RARB: variants seen among roughly 807,000 people sequenced by gnomAD.
RARB encodes HBV-activated protein.
RARB carries 17 observed loss-of-function variants against 51.9 expected under a neutral mutation model. That is an observed-to-expected ratio of 0.33 (90% CI 0.22 to 0.49). The LOEUF is 0.49. Among genes scored for constraint, RARB ranks in the 20% least tolerant of loss-of-function variants. The pLI is 0.99. For missense variants in RARB, 369 were observed against 550.8 expected (o/e 0.67, Z 3.30); for synonymous variants, 215 against 195.4 (o/e 1.10, Z -0.84).
intron 5 of RARB, among the ~76,000 whole-genome samples, chr3:25,209,434 A>G (rs1701639476): frequency 6.6e-6 from 1 of 152,226 alleles, no homozygotes; most frequent in Non-Finnish European, 1.5e-5. Flanking sequence ...GTAGTCATGT[A>G]GGCTAGGATG....
At chr3:25,248,873 G>C (rs1051343401) in intron 5 of RARB, among the ~76,000 whole-genome samples, 10 of 152,006 alleles carry the variant, frequency 6.6e-5, no homozygotes, top group African/African-American at 2.2e-4. Flanking sequence ...AATTCTCTTT[G>C]TCTTTCACTT....
intron 2 of RARB, among the ~76,000 whole-genome samples, chr3:24,972,475 T>C (rs182702682): frequency 4.6e-5 from 7 of 152,138 alleles, no homozygotes; most frequent in Admixed American, 3.3e-4. Flanking sequence ...TTCTTTGCTA[T>C]ATTGATTTTT....
In RARB at chr3:25,569,929, C is replaced by G; in HGVS notation, c.609+11C>G. The G allele has an allele frequency of 6.2e-7, 1 of 1,611,946 alleles. No homozygotes were observed. The highest frequency in any genetic ancestry group is 8.5e-7 in the Non-Finnish European group (1 of 1,178,896). On this transcript the variant is annotated intron_variant, in intron 4 of 7. Transcript: ENST00000330688. The stretch of plus-strand genomic sequence containing the variant: ...GGTAAATACACCACGGTAAGAGATA[C>G]TCCTGCCCCAGGCTGCTGGGAGTGT...
At chr3:25,481,715 C>G (rs1275125051) in intron 2 of RARB, among the ~76,000 whole-genome samples, 1 of 152,192 alleles carries the variant, frequency 6.6e-6, no homozygotes, top group Non-Finnish European at 1.5e-5. Flanking sequence ...ATCCAACTTA[C>G]CTTCTTTCCT....
chr3:25,345,130 A>G (rs1416656507), intron 5 of RARB, among the ~76,000 whole-genome samples: 1 of 152,192 alleles, frequency 6.6e-6, no homozygotes, highest in African/African-American at 2.4e-5. Flanking sequence ...GGTCAAGCCC[A>G]GACTCAGGGT....
intron 2 of RARB, among the ~76,000 whole-genome samples, chr3:24,919,983 G>A (rs76836904): frequency 0.045 from 6,852 of 152,218 alleles, 189 homozygotes; most frequent in Middle Eastern, 0.11. Flanking sequence ...TAATAACCTC[G>A]CTGGACACTG....
intron 5 of RARB, among the ~76,000 whole-genome samples, chr3:25,208,591 G>T (rs561965533): frequency 1.3e-5 from 2 of 152,036 alleles, no homozygotes; most frequent in East Asian, 3.9e-4. Context: ...GTTCCCTTCC[G>T]CTCTCTTTGT....
chr3:25,378,124 C>T lies in RARB; in HGVS notation c.179-83069C>T, dbSNP rs936705269. ...GCAAAGCATTTGATCTTAACAATGA[C>T]AATTAAAATGAACCTTATTTGAAGT... On this transcript the variant is annotated intron_variant, in intron 5 of 11. Transcript: ENST00000383772. 4.6e-5 allele frequency among the ~76,000 whole-genome samples: 7 copies of T among 152,224 alleles called. No individual in the cohort carries two copies. The South Asian group carries it at 8.3e-4, about 18-fold the overall frequency.
Position 24,971,686 on chromosome 3 carries a change from G to A in RARB, c.-379-88439G>A, listed in dbSNP as rs555305441. Among the ~76,000 whole-genome samples, 5 of 152,086 alleles carry A rather than the reference G, an allele frequency of 3.3e-5. No individual in the cohort carries two copies. The East Asian group carries it at 9.7e-4, about 29-fold the overall frequency. ...GAGGTGATTACATGATCAGAGCAGTGGCTTCAGCTTTCTGGAACAGTAAGG... is the reference window on the plus strand; with the variant it reads ...GAGGTGATTACATGATCAGAGCAGTAGCTTCAGCTTTCTGGAACAGTAAGG... On this transcript the variant is annotated intron_variant, in intron 2 of 11. Transcript: ENST00000383772.
chr3:25,144,045 G>A (rs200274834), intron 4 of RARB, among the ~76,000 whole-genome samples: 1 of 152,086 alleles, frequency 6.6e-6, no homozygotes, highest in East Asian at 1.9e-4. Flanking sequence ...TTTTCTTATG[G>A]GAATCAATTT....
intron 5 of RARB, among the ~76,000 whole-genome samples, chr3:25,359,931 C>G (rs1705875262): frequency 6.6e-6 from 1 of 152,164 alleles, no homozygotes; most frequent in Admixed American, 6.5e-5. Context: ...CTATGTAGTG[C>G]TGAGAAGAAT....
At chr3:25,088,720 G>A (rs544576441) in intron 3 of RARB, among the ~76,000 whole-genome samples, 2 of 152,192 alleles carry the variant, frequency 1.3e-5, no homozygotes, top group Non-Finnish European at 2.9e-5. Context: ...GAAGCTATTT[G>A]GTGAACCAGA....
intron 5 of RARB, among the ~76,000 whole-genome samples, chr3:25,208,997 G>A (rs997693996): frequency 2.6e-5 from 4 of 152,314 alleles, no homozygotes; most frequent in African/African-American, 9.6e-5. Flanking sequence ...AAACAAACAT[G>A]AAGCATGGCT....
In RARB at chr3:25,311,087, G is replaced by C. The variant is rs187944291; in HGVS notation, c.178+136512G>C. Among the ~76,000 whole-genome samples, 3 of 152,296 alleles carry C rather than the reference G, an allele frequency of 2.0e-5. No homozygotes were observed. The East Asian group carries it at 5.8e-4, about 29-fold the overall frequency. On this transcript the variant is annotated intron_variant, in intron 5 of 11. Transcript: ENST00000383772. ...TCAAGGTCAGAAGAAAAGAAGTTTA[G>C]GGGAGATTAGTGCAATCAAGGAAGG... is the stretch of plus-strand genomic sequence containing the variant.
At chr3:25,231,334 C>A (rs1427090682) in intron 5 of RARB, among the ~76,000 whole-genome samples, 1 of 152,132 alleles carries the variant, frequency 6.6e-6, no homozygotes, top group African/African-American at 2.4e-5. Context: ...TTGAAGTTAG[C>A]TTGTATCACA....
intron 1 of RARB, among the ~76,000 whole-genome samples, chr3:25,430,218 C>G (rs1708148005): frequency 6.6e-6 from 1 of 152,218 alleles, no homozygotes; most frequent in African/African-American, 2.4e-5. Context: ...CAGAAGGCGC[C>G]TTAATCTTCA....
chr3:25,223,130 G>A (rs1701982967), intron 5 of RARB, among the ~76,000 whole-genome samples: 1 of 152,068 alleles, frequency 6.6e-6, no homozygotes, highest in Non-Finnish European at 1.5e-5. Flanking sequence ...AAGATATTAA[G>A]CAGTTCCCTC....
chr3:25,129,975 A>G (rs1699919095), intron 3 of RARB, among the ~76,000 whole-genome samples: 1 of 152,068 alleles, frequency 6.6e-6, no homozygotes, highest in African/African-American at 2.4e-5. Flanking sequence ...AATCCTCATA[A>G]TCAAATCTTT....
intron 5 of RARB, among the ~76,000 whole-genome samples, chr3:25,271,013 T>C (rs1037098209): frequency 6.6e-6 from 1 of 151,800 alleles, no homozygotes; most frequent in Non-Finnish European, 1.5e-5. Flanking sequence ...TTTTATTCCA[T>C]AAGTACATCA....
Sources: gnomAD v4.1 joint callset for allele counts (sites outside exome capture counted in the v4.1 genomes callset) on GRCh38, gnomAD v4.1.1 for gene constraint, MANE v1.5 for transcripts, NCBI Gene and HGNC (gene_info 2026-07-23, HGNC 2026-07-21) for gene names.